RBFOX1: variants seen among roughly 807,000 people sequenced by gnomAD.
RBFOX1 encodes the protein RNA binding protein fox-1 homolog 1.
In RBFOX1, 8 loss-of-function variants were observed where a neutral mutation model predicts 57.7. That is an observed-to-expected ratio of 0.14 (90% CI 0.08 to 0.25). The LOEUF (loss-of-function observed/expected upper bound fraction) is 0.25. Among genes scored for constraint, RBFOX1 ranks in the 10% least tolerant of loss-of-function variants. The probability of loss-of-function intolerance (pLI) is 1.00; values close to 1 mark genes in which losing one functional copy is unlikely to be tolerated. For missense variants in RBFOX1, 611 were observed against 548.5 expected (o/e 1.11, Z -1.14); for synonymous variants, 326 against 222.4 (o/e 1.47, Z -4.15).
At chr16:6,571,651 C>A (rs918666751) in intron 2 of RBFOX1, among the ~76,000 whole-genome samples, 8 of 152,088 alleles carry the variant, frequency 5.3e-5, no homozygotes, top group African/African-American at 1.7e-4. Flanking sequence ...TTGGGGTTCT[C>A]TTGAGCCTGC....
chr16:5,953,037 G>T (rs75701946), intron 4 of RBFOX1, among the ~76,000 whole-genome samples: 2 of 145,014 alleles, frequency 1.4e-5, no homozygotes, highest in East Asian at 4.3e-4. Flanking sequence ...CTACATGGTA[G>T]AATCTCCTGC....
intron 3 of RBFOX1, among the ~76,000 whole-genome samples, chr16:5,760,065 A>T (rs1264945245): frequency 6.6e-6 from 1 of 151,780 alleles, no homozygotes; most frequent in Non-Finnish European, 1.5e-5. Context: ...TTTGTGATCT[A>T]GTAAATAGCA....
At chr16:5,807,675 C>G (rs1014598292) in intron 3 of RBFOX1, among the ~76,000 whole-genome samples, 6 of 152,164 alleles carry the variant, frequency 3.9e-5, no homozygotes, top group African/African-American at 1.4e-4. Flanking sequence ...GTCCTGGCTT[C>G]TGAGAGAGAG....
chr16:5,930,824 G>T (rs1288628974), intron 4 of RBFOX1, among the ~76,000 whole-genome samples: 1 of 144,812 alleles, frequency 6.9e-6, no homozygotes, highest in Non-Finnish European at 1.5e-5. Flanking sequence ...GTGGATGGTT[G>T]CATGGATGGA....
intron 3 of RBFOX1, among the ~76,000 whole-genome samples, chr16:6,722,218 C>G (rs1274935612): frequency 1.3e-4 from 20 of 152,192 alleles, no homozygotes. Context: ...TTTGAAGGAA[C>G]CACTATCCTG....
chr16:6,550,281 A>G (rs1000161182), intron 2 of RBFOX1, among the ~76,000 whole-genome samples: 2 of 151,998 alleles, frequency 1.3e-5, no homozygotes, highest in Non-Finnish European at 2.9e-5. Flanking sequence ...AGGTTCAACA[A>G]TTCTCTTGCC....
At chr16:7,549,081 A>C (rs1198967959) in intron 5 of RBFOX1, among the ~76,000 whole-genome samples, 3 of 152,222 alleles carry the variant, frequency 2.0e-5, no homozygotes, top group African/African-American at 7.2e-5. Context: ...GGCGACATTT[A>C]AGCCGATGAC....
At chr16:7,067,940 T>C (rs781429736) in intron 4 of RBFOX1, among the ~76,000 whole-genome samples, 1 of 148,830 alleles carries the variant, frequency 6.7e-6, no homozygotes, top group African/African-American at 2.5e-5. Flanking sequence ...TCCTAGTGTC[T>C]AGAGGGCGCC....
chr16:5,315,691 G>T (rs2064217732), intron 1 of RBFOX1, among the ~76,000 whole-genome samples: 1 of 152,188 alleles, frequency 6.6e-6, no homozygotes, highest in Non-Finnish European at 1.5e-5. Context: ...CTTTGCTGGT[G>T]AGTGCTGTGC....
At chr16:7,244,336 G>A in intron 4 of RBFOX1, among the ~76,000 whole-genome samples, 1 of 150,118 alleles carries the variant, frequency 6.7e-6, no homozygotes, top group South Asian at 2.1e-4. Flanking sequence ...GAAAGTTGCT[G>A]GCCTTTGAGC....
chr16:7,362,863 C>G (rs1308110363), intron 4 of RBFOX1, among the ~76,000 whole-genome samples: 3 of 152,084 alleles, frequency 2.0e-5, no homozygotes, highest in African/African-American at 7.2e-5. Context: ...TATAATGTAC[C>G]AGTTAAGAGT....
intron 3 of RBFOX1, among the ~76,000 whole-genome samples, chr16:5,753,650 C>T (rs560131918): frequency 1.3e-3 from 197 of 152,168 alleles, no homozygotes; most frequent in Non-Finnish European, 2.5e-3. Flanking sequence ...TAGAAATTGG[C>T]CATAGAGGGA....
chr16:7,601,324 G>A (rs2095011533), intron 9 of RBFOX1, among the ~76,000 whole-genome samples: 1 of 152,098 alleles, frequency 6.6e-6, no homozygotes, highest in South Asian at 2.1e-4. Context: ...ATGAGAGAAA[G>A]TGCTCAACAC....
At chr16:6,591,458 A>G (rs1367055049) in intron 2 of RBFOX1, among the ~76,000 whole-genome samples, 1 of 152,156 alleles carries the variant, frequency 6.6e-6, no homozygotes, top group Non-Finnish European at 1.5e-5. Flanking sequence ...TGTCTCACAA[A>G]AAAAGGAAAA....
At chr16:7,200,452 A>G (rs1187788689) in intron 4 of RBFOX1, among the ~76,000 whole-genome samples, 5 of 152,124 alleles carry the variant, frequency 3.3e-5, no homozygotes, top group African/African-American at 7.2e-5. Flanking sequence ...TTGCACCTCT[A>G]TTTATGGTGT....
intron 2 of RBFOX1, among the ~76,000 whole-genome samples, chr16:5,494,799 C>G (rs2042946749): frequency 6.6e-6 from 1 of 152,158 alleles, no homozygotes; most frequent in African/African-American, 2.4e-5. Context: ...GGTGGATCAA[C>G]TAAGGGACCC....
intron 1 of RBFOX1, among the ~76,000 whole-genome samples, chr16:6,063,585 G>A (rs2095717911): frequency 6.6e-6 from 1 of 151,016 alleles, no homozygotes. Context: ...CTACATCCTG[G>A]GTCCTCTCCA....
At chr16:6,226,377 A>AAC (rs1297471201) in intron 1 of RBFOX1, among the ~76,000 whole-genome samples, 1 of 149,902 alleles carries the variant, frequency 6.7e-6, no homozygotes, top group African/African-American at 2.5e-5. Context: ...CTGTCTCCAA[A>AAC]AAAAAAAAAA....
At chr16:6,978,102 C>G (rs772463521) in intron 3 of RBFOX1, among the ~76,000 whole-genome samples, 1 of 149,304 alleles carries the variant, frequency 6.7e-6, no homozygotes, top group African/African-American at 2.5e-5. Flanking sequence ...TTACAGCTGA[C>G]TTTGCAGGCT....
Sources: gnomAD v4.1 joint callset for allele counts (sites outside exome capture counted in the v4.1 genomes callset) on GRCh38, gnomAD v4.1.1 for gene constraint, MANE v1.5 for transcripts, NCBI Gene and HGNC (gene_info 2026-07-23, HGNC 2026-07-21) for gene names.